The following EPB41L5 variants were observed in gnomAD, a reference collection of about 807,000 sequenced individuals.
EPB41L5 encodes erythrocyte membrane protein band 4.1 like 5, also known as band 4.1-like protein 5.
A neutral mutation model predicts 106.6 loss-of-function variants in EPB41L5; 55 were observed. The observed-to-expected ratio is 0.52, with a 90% CI of 0.42 to 0.65. The LOEUF (loss-of-function observed/expected upper bound fraction) is 0.65, where lower values mean the gene tolerates loss of function less well. Ranked by LOEUF, EPB41L5 falls within the 30% of genes least tolerant of loss-of-function variation. The probability of loss-of-function intolerance (pLI) is 0.00; values close to 1 mark genes in which losing one functional copy is unlikely to be tolerated. For synonymous variants in EPB41L5, 297 were observed against 306.7 expected, an observed-to-expected ratio of 0.97 and a Z score of 0.33; for missense variants, 871 against 882.1, an observed-to-expected ratio of 0.99 and a Z score of 0.16.
chr2:120,057,249 G>C (rs2105268765), intron 3 of EPB41L5, among the ~76,000 whole-genome samples: 1 of 152,212 alleles, frequency 6.6e-6, no homozygotes, highest in Non-Finnish European at 1.5e-5. Context: ...TGAGGGATTG[G>C]GATAGTAGGC....
Position 120,143,129 on chromosome 2 carries a change from A to G in EPB41L5, c.1726A>G (p.Lys576Glu), listed in dbSNP as rs1377339877. The change falls in exon 19 of 25, where the codon AAG (lysine) becomes GAG (glutamate). Residue 576 changes from lysine to glutamate, a missense_variant and splice_region_variant. Transcript: ENST00000263713. ...GAAGGCTCAAGTAGAAGCAGTGCAT[A>G]AGGTAAGCTGCCTTTGATAGATAGC... Reference protein sequence around the residue: ...ILKAQVEAVHKVTKEDSLLSH... With the variant: ...ILKAQVEAVHEVTKEDSLLSH... The G allele has an allele frequency of 6.3e-7, 1 of 1,590,852 alleles. No individual in the cohort carries two copies. The highest frequency in any genetic ancestry group is 1.4e-5 in the African/African-American group (1 of 73,604).
intron 18 of EPB41L5, among the ~76,000 whole-genome samples, chr2:120,134,426 C>T (rs1685835666): frequency 6.6e-6 from 1 of 152,066 alleles, no homozygotes; most frequent in Non-Finnish European, 1.5e-5. Context: ...ACGGAAGAAC[C>T]TTTGGGCCTT....
chr2:120,085,339 C>T (rs1465633135), intron 10 of EPB41L5, among the ~76,000 whole-genome samples: 1 of 152,174 alleles, frequency 6.6e-6, no homozygotes, highest in Non-Finnish European at 1.5e-5. Flanking sequence ...TTCCTTCCAA[C>T]AGCTGCAGGT....
intron 20 of EPB41L5, among the ~76,000 whole-genome samples, chr2:120,152,147 T>C (rs575086549): frequency 6.6e-6 from 1 of 152,224 alleles, no homozygotes; most frequent in Non-Finnish European, 1.5e-5. Flanking sequence ...CCATTGAGTG[T>C]TGTGTGTATG....
At chr2:120,105,844 T>A (rs1266717737) in intron 16 of EPB41L5, 1 of 985,222 alleles carries the variant, frequency 1.0e-6, no homozygotes, top group Non-Finnish European at 1.2e-6. Context: ...GAATTTGGAT[T>A]ATAACATTTT....
intron 3 of EPB41L5, among the ~76,000 whole-genome samples, 190 bp downstream of exon 3, chr2:120,042,300 G>T (rs1679454982): frequency 6.6e-6 from 1 of 152,020 alleles, no homozygotes; most frequent in Non-Finnish European, 1.5e-5. Context: ...TGTGAGTTCT[G>T]GTCCTAATTT....
At chr2:120,099,149 A>G (rs1683966466) in intron 14 of EPB41L5, among the ~76,000 whole-genome samples, 1 of 152,094 alleles carries the variant, frequency 6.6e-6, no homozygotes, top group Non-Finnish European at 1.5e-5. Context: ...TTATTTTCTC[A>G]CTTTCAAGGA....
At chr2:120,058,600 G>A (rs907378290) in intron 3 of EPB41L5, among the ~76,000 whole-genome samples, 3 of 152,174 alleles carry the variant, frequency 2.0e-5, no homozygotes, top group African/African-American at 7.2e-5. Flanking sequence ...GGTGAAGTGG[G>A]AAGCATTTTA....
chr2:120,138,424 A>G (rs975075753), intron 18 of EPB41L5, among the ~76,000 whole-genome samples: 3 of 152,034 alleles, frequency 2.0e-5, no homozygotes, highest in Non-Finnish European at 4.4e-5. Context: ...AGATGATACT[A>G]TTTTATATTT....
chr2:120,026,496 G>C (rs571509513), intron 2 of EPB41L5, among the ~76,000 whole-genome samples: 6 of 152,276 alleles, frequency 3.9e-5, no homozygotes, highest in Non-Finnish European at 5.9e-5. Context: ...AGCCTCCGGA[G>C]TAGCTGGGAT....
chr2:120,065,988 TTTC>T (rs1214840120), intron 3 of EPB41L5, among the ~76,000 whole-genome samples: 1 of 152,026 alleles, frequency 6.6e-6, no homozygotes, highest in East Asian at 1.9e-4. Context: ...CTTGAAAAAT[TTTC>T]TTCTTCCCTG....
At chr2:120,064,380 T>G (rs1322388913) in intron 3 of EPB41L5, among the ~76,000 whole-genome samples, 1 of 152,150 alleles carries the variant, frequency 6.6e-6, no homozygotes, top group Non-Finnish European at 1.5e-5. Context: ...ATTAGAGACA[T>G]GTAGGTTAAG....
intron 24 of EPB41L5, among the ~76,000 whole-genome samples, chr2:120,169,194 G>T (rs1687555855): frequency 6.6e-6 from 1 of 152,060 alleles, no homozygotes; most frequent in Non-Finnish European, 1.5e-5. Context: ...ATGTAATACA[G>T]TTTTCTGGTT....
At chr2:120,114,296 T>G (rs984077805) in intron 16 of EPB41L5, among the ~76,000 whole-genome samples, 1 of 152,334 alleles carries the variant, frequency 6.6e-6, no homozygotes, top group East Asian at 1.9e-4. Context: ...TTAAGAGTTT[T>G]CAACTTATGA....
At chr2:120,131,796 C>CT (rs935933397) in intron 18 of EPB41L5, 81 bp downstream of exon 18, 134 of 1,042,980 alleles carry the variant, frequency 1.3e-4, no homozygotes, top group Non-Finnish European at 1.9e-4. Flanking sequence ...ACAGTACTTT[C>CT]TTTTTTCTTT....
At chr2:120,088,207 A>G (rs955298757) in intron 11 of EPB41L5, among the ~76,000 whole-genome samples, 2 of 152,218 alleles carry the variant, frequency 1.3e-5, no homozygotes, top group Middle Eastern at 3.4e-3. Context: ...CAGTAATTTG[A>G]CTGCTATACT....
intron 18 of EPB41L5, among the ~76,000 whole-genome samples, chr2:120,132,758 G>A (rs1480114636): frequency 6.6e-6 from 1 of 152,032 alleles, no homozygotes; most frequent in Admixed American, 6.6e-5. Flanking sequence ...GCCAGAGACA[G>A]AAGGATAAAT....
intron 19 of EPB41L5, 25 bp from the exon 20 acceptor site, chr2:120,146,200 T>A (rs201158933): frequency 7.0e-7 from 1 of 1,425,758 alleles, no homozygotes; most frequent in Non-Finnish European, 9.8e-7. Context: ...AAAGATTTAC[T>A]TTTTTTAATA....
rs545286177 is a variant in EPB41L5, at chr2:120,016,366, G to T, written c.-8-2711G>T. On this transcript the variant is annotated intron_variant, in intron 1 of 24. Coordinates refer to ENST00000263713, the MANE Select transcript of EPB41L5 (RefSeq NM_020909.4). ...AATCTCTTGAACCCGGCAGGTGGAG[G>T]TTGCAGTGAGCCGAGATCGCGCCAT... is the stretch of plus-strand genomic sequence containing the variant. 1.3e-3 allele frequency among the ~76,000 whole-genome samples: 205 copies of T among 151,950 alleles called. 1 individual carries two copies. The highest frequency in any genetic ancestry group is 4.6e-3 in the African/African-American group (191 of 41,442).
Sources: gnomAD v4.1 joint callset for allele counts (sites outside exome capture counted in the v4.1 genomes callset) on GRCh38, gnomAD v4.1.1 for gene constraint, MANE v1.5 for transcripts, NCBI Gene and HGNC (gene_info 2026-07-23, HGNC 2026-07-21) for gene names.